The following SCGB2B2 variants were observed in gnomAD, a reference collection of about 807,000 sequenced individuals.
The protein encoded by SCGB2B2 is secretoglobin family 2B member 2, also known as secretoglobin-like protein.
SCGB2B2 carries 11 observed loss-of-function variants against 7.6 expected under a neutral mutation model. The ratio of observed to expected loss-of-function variants is 1.45; its 90% confidence interval spans 0.91 to 2.40. SCGB2B2 has a LOEUF of 2.40. SCGB2B2 is among the 30% of genes most tolerant of loss of function. The pLI is 0.00. For missense variants in SCGB2B2, 104 were observed against 115.4 expected, an observed-to-expected ratio of 0.90 and a Z score of 0.45; for synonymous variants, 50 against 48.6, an observed-to-expected ratio of 1.03 and a Z score of -0.12.
chr19:34,613,603 A>AT (rs76345306), intron 1 of SCGB2B2, among the ~76,000 whole-genome samples: 13,029 of 152,208 alleles, frequency 0.086, 710 homozygotes, highest in East Asian at 0.28. Flanking sequence ...AGTGTTGTGT[A>AT]TATCCTTTGT....
At chr19:34,631,245 C>T (rs1473077363) in intron 1 of SCGB2B2, among the ~76,000 whole-genome samples, 1 of 151,826 alleles carries the variant, frequency 6.6e-6, no homozygotes, top group African/African-American at 2.4e-5. Flanking sequence ...GCACATGTAC[C>T]CTAAAACTTA....
intron 1 of SCGB2B2, among the ~76,000 whole-genome samples, chr19:34,636,805 A>T (rs948797900): frequency 6.6e-6 from 1 of 152,142 alleles, no homozygotes; most frequent in Admixed American, 6.5e-5. Context: ...CCTGACGTTA[A>T]GCCATCCCTC....
In SCGB2B2 at chr19:34,621,068, T is replaced by C. The variant is rs149021812; in HGVS notation, c.-2031-24474A>G. Among the ~76,000 whole-genome samples, 452 of 152,310 alleles carry C rather than the reference T, an allele frequency of 3.0e-3. 2 individuals are homozygous for C. Among genetic ancestry groups the C allele is most frequent in the Non-Finnish European group, 5.0e-3 (339 of 68,010 alleles). On this transcript the variant is annotated intron_variant, in intron 1 of 3. Coordinates refer to ENST00000601241, the MANE Select transcript of SCGB2B2 (RefSeq NM_001025591.4). ...AAATAGTGTTCCTATTCCTGAAAGA[T>C]TAAAGTCGCATGAAGTAAAAGGCAT...
At chr19:34,608,830 T>C (rs2145827602) in intron 1 of SCGB2B2, 1 of 151,782 alleles carries the variant, frequency 6.6e-6, no homozygotes, top group African/African-American at 2.4e-5. Context: ...TTTCTTTTTT[T>C]CTTGGATGTA....
At chr19:34,651,537 A>T (rs1263876309) in intron 1 of SCGB2B2, among the ~76,000 whole-genome samples, 1 of 151,334 alleles carries the variant, frequency 6.6e-6, no homozygotes. Flanking sequence ...TGAAATAGCT[A>T]TTAAAAAAAG....
intron 1 of SCGB2B2, among the ~76,000 whole-genome samples, chr19:34,668,293 C>T (rs2067696205): frequency 6.6e-6 from 1 of 152,168 alleles, no homozygotes; most frequent in Admixed American, 6.5e-5. Context: ...TCCGAGCTGC[C>T]GGCCGGCCCT....
At chr19:34,642,714 CAAAAAAAAAAAAA>C (rs55922005) in intron 1 of SCGB2B2, among the ~76,000 whole-genome samples, 1 of 39,880 alleles carries the variant, frequency 2.5e-5, no homozygotes, top group Non-Finnish European at 4.2e-5. Context: ...GACTCCGTCT[CAAAAAAAAAAAAA>C]AAAAAAAAAA....
intron 1 of SCGB2B2, among the ~76,000 whole-genome samples, chr19:34,609,534 T>C (rs189113957): frequency 8.6e-4 from 131 of 152,256 alleles, no homozygotes; most frequent in Non-Finnish European, 1.4e-3. Context: ...ATTTTTGGCA[T>C]ATTAATATCC....
chr19:34,628,537 G>A (rs2066440750), intron 1 of SCGB2B2, among the ~76,000 whole-genome samples: 1 of 151,896 alleles, frequency 6.6e-6, no homozygotes, highest in Middle Eastern at 3.4e-3. Context: ...TAAATTCCTG[G>A]ACACATACAC....
At chr19:34,620,630 C>T (rs7257171) in intron 1 of SCGB2B2, among the ~76,000 whole-genome samples, 47,907 of 151,898 alleles carry the variant, frequency 0.32, 8,395 homozygotes, top group Middle Eastern at 0.47. Context: ...CAAACCTGCA[C>T]GTTGTGCACA....
At position 34,592,874 on chromosome 19, in the gene SCGB2B2, G is replaced by C. The variant is rs1239744194; in HGVS notation, c.*681C>G. On this transcript the variant is annotated 3_prime_UTR_variant, in exon 4 of 4. Coordinates refer to ENST00000601241, the MANE Select transcript of SCGB2B2 (RefSeq NM_001025591.4). ...GCTGAGGCTTGTGACTTAGCCAGGA[G>C]GGTGTGATTTCCCAGCCTCCAGCAT... 6.6e-6 allele frequency among the ~76,000 whole-genome samples: 1 copy of C among 152,168 alleles called. No individual in the cohort carries two copies. The highest frequency in any genetic ancestry group is 1.5e-5 in the Non-Finnish European group (1 of 68,032).
intron 1 of SCGB2B2, among the ~76,000 whole-genome samples, chr19:34,651,514 A>G (rs1462057029): frequency 6.6e-6 from 1 of 151,300 alleles, no homozygotes; most frequent in African/African-American, 2.5e-5. Context: ...GAAATCGAGA[A>G]AGCAATCTTA....
intron 1 of SCGB2B2, among the ~76,000 whole-genome samples, chr19:34,670,321 A>G (rs533176348): frequency 6.6e-6 from 1 of 152,170 alleles, no homozygotes; most frequent in Non-Finnish European, 1.5e-5. Flanking sequence ...CAAACTGACT[A>G]ACTGTGTTCC....
intron 1 of SCGB2B2, among the ~76,000 whole-genome samples, chr19:34,619,671 G>A (rs1265512278): frequency 6.6e-6 from 1 of 152,184 alleles, no homozygotes; most frequent in Admixed American, 6.5e-5. Flanking sequence ...CATAAAATCA[G>A]AAAAGACTGA....
intron 1 of SCGB2B2, among the ~76,000 whole-genome samples, chr19:34,624,845 C>T (rs983552092): frequency 1.3e-5 from 2 of 152,188 alleles, no homozygotes; most frequent in Admixed American, 1.3e-4. Context: ...TCAAGCCTGT[C>T]CCCTGAATCT....
intron 1 of SCGB2B2, among the ~76,000 whole-genome samples, chr19:34,614,418 T>G (rs1450618180): frequency 6.6e-6 from 1 of 152,198 alleles, no homozygotes; most frequent in Admixed American, 6.5e-5. Context: ...TTTTATTTTT[T>G]AAATTTCATT....
rs375656366 is a variant in SCGB2B2, at chr19:34,594,219, C to T, written c.202G>A (p.Ala68Thr). 6 of 1,614,018 alleles carry T rather than the reference C, an allele frequency of 3.7e-6. No homozygotes were observed. In the African/African-American group the frequency reaches 6.7e-5, roughly 18 times the overall value. ...AATCTTTCTGTCACGGAGACATTGGCAAAGCATTGCTGGACATTGAGGAAG... is the reference window on the plus strand; with the variant it reads ...AATCTTTCTGTCACGGAGACATTGGTAAAGCATTGCTGGACATTGAGGAAG... ...ESFLNVQQCF[A>T]NVSVTERFAH... The change falls in exon 3 of 4, where the codon GCC (alanine) becomes ACC (threonine). Residue 68 changes from alanine to threonine, a missense_variant. Transcript: ENST00000601241.
intron 1 of SCGB2B2, among the ~76,000 whole-genome samples, chr19:34,640,186 C>T (rs756753447): frequency 6.6e-6 from 1 of 152,174 alleles, no homozygotes; most frequent in Non-Finnish European, 1.5e-5. Flanking sequence ...ACTGCAGCCT[C>T]GACCTCCTGG....
chr19:34,611,488 A>G (rs529805867), intron 1 of SCGB2B2, among the ~76,000 whole-genome samples: 1 of 152,078 alleles, frequency 6.6e-6, no homozygotes, highest in East Asian at 1.9e-4. Context: ...GCTGTGTCCT[A>G]TAGATGTTGA....
Sources: gnomAD v4.1 joint callset for allele counts (sites outside exome capture counted in the v4.1 genomes callset) on GRCh38, gnomAD v4.1.1 for gene constraint, MANE v1.5 for transcripts, NCBI Gene and HGNC (gene_info 2026-07-23, HGNC 2026-07-21) for gene names.